STPG4: variants seen among roughly 807,000 people sequenced by gnomAD.
The protein encoded by STPG4 is sperm-tail PG-rich repeat containing 4.
In STPG4, 41 loss-of-function variants were observed where a neutral mutation model predicts 31.5. That is an observed-to-expected ratio of 1.30 (90% CI 1.01 to 1.69). STPG4 has a LOEUF of 1.69. Ranked by LOEUF, STPG4 falls within the 40% of genes most tolerant of loss-of-function variation. The pLI, the probability that STPG4 is intolerant of heterozygous loss-of-function variation, is 0.00. For synonymous variants in STPG4, 141 were observed against 103.0 expected, an observed-to-expected ratio of 1.37 and a Z score of -2.24; for missense variants, 375 against 293.4, an observed-to-expected ratio of 1.28 and a Z score of -2.03.
chr2:47,146,311 C>T (rs534053630), intron 3 of STPG4, among the ~76,000 whole-genome samples: 2 of 152,194 alleles, frequency 1.3e-5, no homozygotes, highest in African/African-American at 4.8e-5. Context: ...TGAGTAGAGG[C>T]CAGGTGCTAC....
intron 3 of STPG4, among the ~76,000 whole-genome samples, chr2:47,142,455 G>A (rs1230012984): frequency 6.6e-6 from 1 of 151,922 alleles, no homozygotes; most frequent in East Asian, 1.9e-4. Flanking sequence ...ATAAATAAGA[G>A]AATTTTTTTA....
intron 5 of STPG4, among the ~76,000 whole-genome samples, chr2:47,094,539 C>G (rs1297288881): frequency 2.0e-5 from 3 of 152,182 alleles, no homozygotes; most frequent in African/African-American, 4.8e-5. Flanking sequence ...ATAAAATACT[C>G]TCTTTGGCCT....
At chr2:47,123,370 C>G (rs1406271105) in intron 5 of STPG4, among the ~76,000 whole-genome samples, 2 of 152,006 alleles carry the variant, frequency 1.3e-5, no homozygotes, top group African/African-American at 4.8e-5. Flanking sequence ...ATTAATTCAC[C>G]AAATACTATG....
At chr2:47,132,146 CAG>C (rs1686498637) in intron 3 of STPG4, among the ~76,000 whole-genome samples, 1 of 141,190 alleles carries the variant, frequency 7.1e-6, no homozygotes, top group Non-Finnish European at 1.5e-5. Flanking sequence ...GCCTGGGAAA[CAG>C]AGCGAGACTC....
intron 3 of STPG4, among the ~76,000 whole-genome samples, chr2:47,136,348 A>G (rs931166877): frequency 6.6e-4 from 101 of 152,042 alleles, no homozygotes; most frequent in African/African-American, 2.4e-3. Flanking sequence ...GGGTTTCACT[A>G]TGTTGGCCAG....
intron 5 of STPG4, among the ~76,000 whole-genome samples, chr2:47,108,031 T>A (rs566685617): frequency 4.6e-5 from 7 of 151,876 alleles, no homozygotes; most frequent in Admixed American, 4.6e-4. Context: ...TCAGGGTTTG[T>A]GAATGCACCA....
chr2:47,128,222 T>C (rs1329006130), intron 5 of STPG4, among the ~76,000 whole-genome samples: 1 of 152,156 alleles, frequency 6.6e-6, no homozygotes, highest in African/African-American at 2.4e-5. Context: ...TGTGCTGAGA[T>C]GCCTAAAGCT....
intron 5 of STPG4, among the ~76,000 whole-genome samples, chr2:47,107,324 G>A (rs916825429): frequency 8.5e-5 from 13 of 152,126 alleles, no homozygotes; most frequent in African/African-American, 3.1e-4. Flanking sequence ...GTGCTTGCGG[G>A]CCAGCTGGAG....
At chr2:47,145,805 T>C (rs1686809825) in intron 3 of STPG4, among the ~76,000 whole-genome samples, 1 of 152,166 alleles carries the variant, frequency 6.6e-6, no homozygotes, top group Non-Finnish European at 1.5e-5. Context: ...AGAAGGCACA[T>C]TAACAAATAA....
chr2:47,114,880 G>A (rs1686114381), intron 5 of STPG4, among the ~76,000 whole-genome samples: 1 of 152,068 alleles, frequency 6.6e-6, no homozygotes, highest in African/African-American at 2.4e-5. Flanking sequence ...CAATTCTCCT[G>A]CCTCAGCATC....
chr2:47,141,878 G>A (rs570294025), intron 3 of STPG4, among the ~76,000 whole-genome samples: 52 of 149,230 alleles, frequency 3.5e-4, no homozygotes, highest in Non-Finnish European at 7.1e-4. Flanking sequence ...GGGGAGGGCT[G>A]TACATTCGGC....
At chr2:47,148,143 G>T (rs996342230) in intron 3 of STPG4, among the ~76,000 whole-genome samples, 2 of 152,152 alleles carry the variant, frequency 1.3e-5, no homozygotes, top group Middle Eastern at 3.4e-3. Flanking sequence ...TTATAGTAGA[G>T]ATGGGGTTTC....
intron 5 of STPG4, among the ~76,000 whole-genome samples, chr2:47,095,771 T>G (rs1685658412): frequency 6.6e-6 from 1 of 152,180 alleles, no homozygotes; most frequent in Non-Finnish European, 1.5e-5. Flanking sequence ...AGGATTCACT[T>G]TCCCAGCCTC....
At chr2:47,095,401 C>T (rs1685649846) in intron 5 of STPG4, among the ~76,000 whole-genome samples, 2 of 152,158 alleles carry the variant, frequency 1.3e-5, no homozygotes, top group Admixed American at 1.3e-4. Context: ...CCAAGGAATG[C>T]CAGCAAGCCA....
chr2:47,090,215 C>T, intron 6 of STPG4, 55 bp downstream of exon 6: 2 of 1,253,930 alleles, frequency 1.6e-6, no homozygotes, highest in Non-Finnish European at 2.3e-6. Context: ...AGAAAACCTA[C>T]CACCATAACC....
chr2:47,100,210 A>C (rs1037907221), intron 5 of STPG4, among the ~76,000 whole-genome samples: 13 of 151,982 alleles, frequency 8.6e-5, no homozygotes, highest in African/African-American at 3.1e-4. Flanking sequence ...TCTGGTGGGG[A>C]CGTGGAGAAC....
At chr2:47,120,145 A>G (rs1184143761) in intron 5 of STPG4, among the ~76,000 whole-genome samples, 1 of 152,144 alleles carries the variant, frequency 6.6e-6, no homozygotes, top group Non-Finnish European at 1.5e-5. Flanking sequence ...AGCTTGGGCA[A>G]TATGTTGAAA....
intron 1 of STPG4, among the ~76,000 whole-genome samples, chr2:47,153,637 C>A (rs1686977138): frequency 6.6e-6 from 1 of 152,136 alleles, no homozygotes; most frequent in Non-Finnish European, 1.5e-5. Flanking sequence ...TGCCTGTAAT[C>A]CCTCCTCAGA....
At chr2:47,133,007 C>T (rs764468368) in intron 3 of STPG4, among the ~76,000 whole-genome samples, 4 of 152,052 alleles carry the variant, frequency 2.6e-5, no homozygotes, top group Non-Finnish European at 4.4e-5. Context: ...TGCTACTTAA[C>T]GTAATTGAAA....
Sources: gnomAD v4.1 joint callset for allele counts (sites outside exome capture counted in the v4.1 genomes callset) on GRCh38, gnomAD v4.1.1 for gene constraint, MANE v1.5 for transcripts, NCBI Gene and HGNC (gene_info 2026-07-23, HGNC 2026-07-21) for gene names.